Variants in EPG5 observed in about 807,000 individuals in gnomAD.
EPG5 encodes ectopic P granules protein 5 homolog.
EPG5 carries 159 observed loss-of-function variants against 302.7 expected under a neutral mutation model. The observed-to-expected ratio is 0.53, with a 90% CI of 0.46 to 0.60. EPG5 has a LOEUF of 0.60. EPG5 is among the 20% of genes least tolerant of loss of function. The pLI, the probability that EPG5 is intolerant of heterozygous loss-of-function variation, is 0.00. For synonymous variants in EPG5, 1,158 were observed against 1,136.8 expected (o/e 1.02, Z -0.37); for missense variants, 2,896 against 3,092.4 (o/e 0.94, Z 1.51).
chr18:45,937,345 G>A (rs28516644), intron 10 of EPG5, among the ~76,000 whole-genome samples: 1 of 139,000 alleles, frequency 7.2e-6, no homozygotes, highest in African/African-American at 2.7e-5. Context: ...CATATATATA[G>A]ATATACACAT....
At chr18:45,929,531 A>G (rs1175497636) in intron 12 of EPG5, among the ~76,000 whole-genome samples, 1 of 152,238 alleles carries the variant, frequency 6.6e-6, no homozygotes, top group African/African-American at 2.4e-5. Flanking sequence ...AGAATAAAAT[A>G]AAATAGAAAA....
intron 6 of EPG5, among the ~76,000 whole-genome samples, chr18:45,947,162 C>A (rs983239703): frequency 2.0e-5 from 3 of 152,192 alleles, no homozygotes; most frequent in Non-Finnish European, 4.4e-5. Flanking sequence ...CGCCTGTAAT[C>A]ACAGCACTTT....
intron 17 of EPG5, 150 bp from the exon 18 acceptor site, chr18:45,916,732 T>C: frequency 1.3e-6 from 1 of 754,144 alleles, no homozygotes; most frequent in Admixed American, 3.0e-5. Context: ...AAGAATAAAG[T>C]TTTCACATTT....
At chr18:45,921,142 G>C (rs2145749273) in intron 16 of EPG5, among the ~76,000 whole-genome samples, 1 of 152,298 alleles carries the variant, frequency 6.6e-6, no homozygotes, top group South Asian at 2.1e-4. Flanking sequence ...ATTTATTTAT[G>C]CCTATCATCT....
chr18:45,817,915 C>T, the EPG5 span, among the ~76,000 whole-genome samples: 10 of 152,194 alleles, frequency 6.6e-5, no homozygotes, highest in Admixed American at 3.3e-4. Flanking sequence ...TACTTGTGTA[C>T]AAAAACTTAA....
At chr18:45,825,686 G>A in the EPG5 span, 34 of 1,606,886 alleles carry the variant, frequency 2.1e-5, no homozygotes, top group African/African-American at 2.7e-5. Context: ...CTGGGGAGGT[G>A]GCCGAGAGCG....
In EPG5 at chr18:45,915,597, G is replaced by T. The variant is rs764221778; in HGVS notation, c.3607C>A (p.Arg1203=). 9.3e-6 allele frequency: 15 copies of T among 1,613,998 alleles called. No individual in the cohort carries two copies. The African/African-American group carries it at 1.7e-4, about 19-fold the overall frequency. Residue 1203 remains arginine (R), a synonymous_variant, in exon 20 of 44, where the codon CGG becomes AGG. Coordinates refer to ENST00000282041, the MANE Select transcript of EPG5 (RefSeq NM_020964.3). ...HKNALGYHCD[R]SLLSSLVSWI... is the part of the protein sequence containing the mutation. ...CTTACCAAAGATGAGAGCAGACTCC[G>T]GTCACAGTGGTAACCCAAGGCATTC...
intron 13 of EPG5, among the ~76,000 whole-genome samples, chr18:45,927,513 C>T (rs4629066): frequency 0.3 from 45,617 of 151,668 alleles, 9,565 homozygotes; most frequent in African/African-American, 0.58. Flanking sequence ...TCCGCATTCA[C>T]AGAAACATTA....
In EPG5 at chr18:45,916,543, G is replaced by T. The variant is rs72918350; in HGVS notation, c.3279C>A (p.Ser1093Arg). Residue 1093 changes from serine (S) to arginine (R), a missense_variant, in exon 18 of 44, where the codon AGC becomes AGA. This residue lies in a region of EPG5 where 1,390 missense variants were observed against 1,430.0 expected (regional missense o/e 0.97). Coordinates refer to ENST00000282041, the MANE Select transcript of EPG5 (RefSeq NM_020964.3). ...GTTGTGTGACACCCTGAGGGACACC[G>T]CTGTCCAAGTGTAGGAACAAGAGGA... ...SHLLLFLHLD[S>R]GVPQGVTQQV... 5.6e-6 allele frequency: 9 copies of T among 1,610,794 alleles called. No individual in the cohort carries two copies. The African/African-American group carries it at 8.0e-5, about 14-fold the overall frequency.
chr18:45,934,602 G>A (rs1280845377), intron 11 of EPG5, among the ~76,000 whole-genome samples: 1 of 152,174 alleles, frequency 6.6e-6, no homozygotes, highest in Admixed American at 6.5e-5. Context: ...TACTGTTTGG[G>A]ACTAATCAAA....
In EPG5 at chr18:45,900,989, G is replaced by A. The variant is rs769360036; in HGVS notation, c.4646+7C>T. Reference sequence around the variant, plus strand: ...GGAACATGATCCGTGAGGCTGCATGGTCTTACCTGGCCTGCTGTTGCAACA... The same window carrying A: ...GGAACATGATCCGTGAGGCTGCATGATCTTACCTGGCCTGCTGTTGCAACA... On this transcript the variant is annotated splice_region_variant and intron_variant, in intron 26 of 43. Coordinates refer to ENST00000282041, the MANE Select transcript of EPG5 (RefSeq NM_020964.3). The A allele has an allele frequency of 6.2e-7, 1 of 1,609,768 alleles. No homozygotes were observed. Among genetic ancestry groups the A allele is most frequent in the Non-Finnish European group, 8.5e-7 (1 of 1,176,686 alleles).
chr18:45,880,171 G>C lies in EPG5; in HGVS notation c.5571C>G (p.Ala1857=). 6.2e-7 allele frequency: 1 copy of C among 1,611,326 alleles called. No homozygotes were observed. Among genetic ancestry groups the C allele is most frequent in the Non-Finnish European group, 8.5e-7 (1 of 1,178,570 alleles). Residue 1857 remains alanine (A), a synonymous_variant, in exon 32 of 44, where the codon GCC becomes GCG. Transcript: ENST00000282041. ...GGCAGCTGGGGGCGCAGCAGCCCAG[G>C]GCTCTCAGAGTGGCCTTCCAACACT... is the stretch of plus-strand genomic sequence containing the variant. ...SPECWKATLR[A]LGCCAPSCQQ... is the part of the protein sequence containing the mutation.
Position 45,858,051 on chromosome 18 carries a change from G to C in EPG5, c.7244C>G (p.Ala2415Gly). The change falls in exon 42 of 44, where the codon GCA becomes GGA. Residue 2415 changes from alanine to glycine, a missense_variant. Physicochemically the swap from Ala to Gly is moderately conservative, Grantham distance 60. This residue lies in a region of EPG5 where 620 missense variants were observed against 704.2 expected (regional missense o/e 0.88). Transcript: ENST00000282041. ...TTGGTGCCACCACAAAAACAGCTTT[G>C]CCTCTTCCTCCACGGAGCTAGGGGA... ...QVYPSSVEEE[A>G]KLFLWWHQVL... 6.2e-7 allele frequency: 1 copy of C among 1,613,468 alleles called. No homozygotes were observed. Among genetic ancestry groups the C allele is most frequent in the Non-Finnish European group, 8.5e-7 (1 of 1,179,648 alleles).
intron 14 of EPG5, among the ~76,000 whole-genome samples, chr18:45,924,796 T>C (rs1468130406): frequency 6.6e-6 from 1 of 152,240 alleles, no homozygotes; most frequent in Non-Finnish European, 1.5e-5. Context: ...GGCACGCGCC[T>C]GTAATCCCAG....
chr18:45,932,514 A>G (rs2050415896), intron 11 of EPG5, among the ~76,000 whole-genome samples: 1 of 152,380 alleles, frequency 6.6e-6, no homozygotes, highest in Non-Finnish European at 1.5e-5. Context: ...CCACAGATAA[A>G]TAAGAACTGG....
chr18:45,910,627 T>C lies in EPG5; in HGVS notation c.4099A>G (p.Ser1367Gly), dbSNP rs1378210882. 3 of 1,614,086 alleles carry C rather than the reference T, an allele frequency of 1.9e-6. No homozygotes were observed. In the African/African-American group the frequency reaches 4.0e-5, roughly 22 times the overall value. The change falls in exon 23 of 44, where the codon AGC (serine) becomes GGC (glycine). Residue 1367 changes from serine (S) to glycine (G), a missense_variant. By Grantham distance (56) the Ser-to-Gly change is moderately conservative. This residue lies in a region of EPG5 where 790 missense variants were observed against 798.0 expected (regional missense o/e 0.99). Transcript: ENST00000282041. ...TEVADFHHAA[S>G]KALRVPAEGS... ...TCTGCTGGAACACGGAGGGCCTTGCTTGCAGCATGGTGGAAGTCAGCCACC... is the reference window on the plus strand; with the variant it reads ...TCTGCTGGAACACGGAGGGCCTTGCCTGCAGCATGGTGGAAGTCAGCCACC...
the EPG5 span, among the ~76,000 whole-genome samples, chr18:45,802,631 C>T: frequency 4.1e-4 from 63 of 152,290 alleles, no homozygotes; most frequent in South Asian, 3.1e-3. Flanking sequence ...CCCAACAGGG[C>T]CCACTTGTGC....
Position 45,954,934 on chromosome 18 carries a change from G to C in EPG5, c.468C>G (p.Pro156=), listed in dbSNP as rs2050991444. The change falls in exon 2 of 44, where the codon CCC becomes CCG. Residue 156 remains proline, a synonymous_variant. Coordinates refer to ENST00000282041, the MANE Select transcript of EPG5 (RefSeq NM_020964.3). ...SVQGGLSESA[P]QSNFSYTQPA... ...GCTGAGTATAAGAAAAATTAGATTG[G>C]GGTGCACTTTCTGAAAGTCCACCTT... The C allele has an allele frequency of 6.2e-7, 1 of 1,613,482 alleles. No homozygotes were observed. Among genetic ancestry groups the C allele is most frequent in the Admixed American group, 1.7e-5 (1 of 59,882 alleles).
At chr18:45,888,598 C>A (rs1002831106) in intron 28 of EPG5, among the ~76,000 whole-genome samples, 4 of 151,866 alleles carry the variant, frequency 2.6e-5, no homozygotes, top group Non-Finnish European at 4.4e-5. Context: ...AGCCACCGCA[C>A]CTGGCCAATT....
Sources: gnomAD v4.1 joint callset for allele counts (sites outside exome capture counted in the v4.1 genomes callset) on GRCh38, gnomAD v4.1.1 for gene constraint, gnomAD v4.1.1 regional missense constraint, MANE v1.5 for transcripts, NCBI Gene and HGNC (gene_info 2026-07-23, HGNC 2026-07-21) for gene names.